The following DPRX variants were observed in gnomAD, a reference collection of about 807,000 sequenced individuals.
DPRX encodes the protein divergent paired-related homeobox.
A neutral mutation model predicts 8.4 loss-of-function variants in DPRX; 11 were observed. That is an observed-to-expected ratio of 1.31 (90% CI 0.82 to 2.17). DPRX has a LOEUF of 2.17. DPRX is among the 30% of genes most tolerant of loss of function. The pLI is 0.00. For missense variants in DPRX, 211 were observed against 236.7 expected (o/e 0.89, Z 0.71); for synonymous variants, 72 against 87.0 (o/e 0.83, Z 0.96).
the DPRX span, chr19:53,601,204 G>A: frequency 1.8e-5 from 8 of 455,272 alleles, no homozygotes; most frequent in Admixed American, 4.7e-5. Flanking sequence ...GGGAAAGGTC[G>A]CAGGAAGAGT....
chr19:53,601,516 G>C, the DPRX span: 580 of 348,350 alleles, frequency 1.7e-3, 2 homozygotes, highest in Non-Finnish European at 2.9e-3. Flanking sequence ...GAGTCTTGCT[G>C]TGTCACCCAG....
exon 3 of DPRX, chr19:53,636,810 T>C: frequency 6.2e-7 from 1 of 1,614,184 alleles, no homozygotes; most frequent in Non-Finnish European, 8.5e-7. Flanking sequence ...CAGCTCATCC[T>C]GTACCCCAAC....
the DPRX span, chr19:53,616,962 G>A: frequency 8.1e-6 from 10 of 1,230,462 alleles, no homozygotes; most frequent in South Asian, 2.4e-5. Context: ...ATGATGTTAC[G>A]GTTGAACCGC....
At chr19:53,623,363 G>C in the DPRX span, among the ~76,000 whole-genome samples, 1 of 151,150 alleles carries the variant, frequency 6.6e-6, no homozygotes, top group Admixed American at 6.6e-5. Context: ...TCCTGGCTGG[G>C]CATGGTGGCT....
chr19:53,626,905 T>C, the DPRX span, among the ~76,000 whole-genome samples: 37 of 152,216 alleles, frequency 2.4e-4, no homozygotes, highest in South Asian at 7.5e-3. Context: ...TTTCACTATG[T>C]TGCCCAGGCT....
At chr19:53,613,242 C>T in the DPRX span, among the ~76,000 whole-genome samples, 1 of 152,082 alleles carries the variant, frequency 6.6e-6, no homozygotes, top group Non-Finnish European at 1.5e-5. Flanking sequence ...TTTCAAAGCG[C>T]CTGTCAAACT....
At chr19:53,620,214 C>T in the DPRX span, among the ~76,000 whole-genome samples, 1 of 152,144 alleles carries the variant, frequency 6.6e-6, no homozygotes, top group Admixed American at 6.6e-5. Flanking sequence ...GGACTACAGG[C>T]ACCTGCCACC....
chr19:53,634,777 A>T, intron 2 of DPRX, 92 bp downstream of exon 2: 1 of 1,473,038 alleles, frequency 6.8e-7, no homozygotes, highest in Non-Finnish European at 9.1e-7. Flanking sequence ...GTCTCATTCC[A>T]ATCGCCAATA....
At chr19:53,633,054 G>C (rs2091099113) in intron 1 of DPRX, among the ~76,000 whole-genome samples, 1 of 152,132 alleles carries the variant, frequency 6.6e-6, no homozygotes, top group African/African-American at 2.4e-5. Flanking sequence ...CCAGCACTTT[G>C]GGAGGCCGAG....
At chr19:53,603,728 CCTTTTTTT>C in the DPRX span, among the ~76,000 whole-genome samples, 3 of 151,642 alleles carry the variant, frequency 2.0e-5, no homozygotes, top group Admixed American at 1.3e-4. Context: ...TTCTTTTTTT[CCTTTTTTT>C]CTTTTCTTTC....
At chr19:53,625,133 G>A in the DPRX span, among the ~76,000 whole-genome samples, 1 of 143,866 alleles carries the variant, frequency 7.0e-6, no homozygotes, top group South Asian at 2.2e-4. Flanking sequence ...CACCACCATA[G>A]CTCAACCTTC....
At chr19:53,609,343 C>A in the DPRX span, among the ~76,000 whole-genome samples, 1 of 151,254 alleles carries the variant, frequency 6.6e-6, no homozygotes, top group Admixed American at 6.6e-5. Flanking sequence ...TGGCAGGCGC[C>A]TATAATCGGA....
the DPRX span, among the ~76,000 whole-genome samples, chr19:53,609,318 A>C: frequency 1.3e-5 from 2 of 151,434 alleles, no homozygotes; most frequent in African/African-American, 2.4e-5. Context: ...AAATACAAAA[A>C]TTAGCTGCGC....
At chr19:53,601,756 A>C in the DPRX span, among the ~76,000 whole-genome samples, 2 of 152,046 alleles carry the variant, frequency 1.3e-5, no homozygotes, top group Admixed American at 6.6e-5. Flanking sequence ...TGCTGGGATT[A>C]CAGGTGTGAG....
the DPRX span, among the ~76,000 whole-genome samples, chr19:53,621,520 G>T: frequency 3.6e-4 from 55 of 152,210 alleles, no homozygotes; most frequent in Admixed American, 2.6e-4. Flanking sequence ...TACAGGCCAG[G>T]CATGGTGGCT....
the DPRX span, among the ~76,000 whole-genome samples, chr19:53,622,556 C>A: frequency 6.6e-6 from 1 of 152,124 alleles, no homozygotes; most frequent in East Asian, 1.9e-4. Flanking sequence ...TCCTGCTGGG[C>A]ATGGGGAATT....
intron 1 of DPRX, among the ~76,000 whole-genome samples, chr19:53,632,605 G>A (rs989969065): frequency 6.6e-5 from 10 of 151,938 alleles, no homozygotes; most frequent in Non-Finnish European, 1.3e-4. Flanking sequence ...CACTGCACCC[G>A]GCCCAAGTTT....
the DPRX span, chr19:53,601,231 C>A: frequency 8.8e-6 from 4 of 455,898 alleles, no homozygotes; most frequent in African/African-American, 8.0e-5. Flanking sequence ...CTCAGACACC[C>A]AAGAGGCCTC....
chr19:53,601,483 CT>C, the DPRX span: 26,928 of 303,330 alleles, frequency 0.089, 6 homozygotes, highest in South Asian at 0.13. Flanking sequence ...AATGCCTATT[CT>C]TTTTTTTTTT....
Sources: gnomAD v4.1 joint callset for allele counts (sites outside exome capture counted in the v4.1 genomes callset) on GRCh38, gnomAD v4.1.1 for gene constraint, MANE v1.5 for transcripts, NCBI Gene and HGNC (gene_info 2026-07-23, HGNC 2026-07-21) for gene names.